Variants in AFF1 observed in about 807,000 individuals in gnomAD.
The protein encoded by AFF1 is ALF transcription elongation factor 1.
A neutral mutation model predicts 121.7 loss-of-function variants in AFF1; 48 were observed. That is an observed-to-expected ratio of 0.39 (90% CI 0.31 to 0.50). The LOEUF is 0.50. Ranked by LOEUF, AFF1 falls within the 20% of genes least tolerant of loss-of-function variation. AFF1 has a pLI of 0.76. For missense variants in AFF1, 1,523 were observed against 1,511.7 expected (o/e 1.01, Z -0.12); for synonymous variants, 613 against 563.0 (o/e 1.09, Z -1.26).
intron 10 of AFF1, among the ~76,000 whole-genome samples, chr4:87,106,118 C>T (rs1006508241): frequency 2.0e-5 from 3 of 152,204 alleles, no homozygotes; most frequent in Non-Finnish European, 4.4e-5. Context: ...CGTGCTAGCT[C>T]ACGCCTGTAA....
chr4:86,994,600 TCAAA>T (rs1172335186), intron 2 of AFF1, among the ~76,000 whole-genome samples: 1 of 152,168 alleles, frequency 6.6e-6, no homozygotes, highest in Non-Finnish European at 1.5e-5. Context: ...GCCTTTCTGC[TCAAA>T]CAAGCAAACA....
At chr4:86,965,204 A>G (rs1235626217) in intron 2 of AFF1, among the ~76,000 whole-genome samples, 1 of 152,250 alleles carries the variant, frequency 6.6e-6, no homozygotes, top group Admixed American at 6.5e-5. Context: ...TAAGGCATCT[A>G]TATAAAGTCT....
rs745610435 is a variant in AFF1 at position 87,134,550 on chromosome 4, G to A, written c.3391G>A (p.Val1131Met). 3.1e-6 allele frequency: 5 copies of A among 1,614,006 alleles called. No individual in the cohort carries two copies. The highest frequency in any genetic ancestry group is 2.5e-6 in the Non-Finnish European group (3 of 1,180,028). Residue 1131 changes from valine to methionine, a missense_variant, in exon 20 of 21, where the codon GTG becomes ATG. Physicochemically the swap from Val to Met is conservative, Grantham distance 21. Around this residue, in one of 5 missense-constraint regions of AFF1, gnomAD observed 241 missense variants for 265.2 expected, o/e 0.91. Coordinates refer to ENST00000395146, the MANE Select transcript of AFF1 (RefSeq NM_001166693.3). ...SVGSQSSAGS[V>M]GSSGVAATIS... is the part of the protein sequence containing the mutation. The stretch of plus-strand genomic sequence containing the variant: ...AGGGTCCCAGTCAAGTGCTGGCAGT[G>A]TGGGGAGCAGTGGGGTGGCTGCCAC...
chr4:87,046,088 T>TCA, intron 2 of AFF1, 78 bp from the exon 3 acceptor site: 1 of 1,558,896 alleles, frequency 6.4e-7, no homozygotes, highest in South Asian at 1.1e-5. Context: ...ACCTCCCTTC[T>TCA]CACATGTAAG....
chr4:87,043,338 A>C (rs763351627), intron 2 of AFF1, among the ~76,000 whole-genome samples: 1 of 152,214 alleles, frequency 6.6e-6, no homozygotes, highest in African/African-American at 2.4e-5. Flanking sequence ...TGCAAGGTGC[A>C]TGCACTGGAT....
chr4:86,983,560 C>G (rs1723949990), intron 2 of AFF1, among the ~76,000 whole-genome samples: 2 of 151,476 alleles, frequency 1.3e-5, no homozygotes, highest in South Asian at 2.1e-4. Context: ...AATAAAAATA[C>G]TAAAAATATA....
chr4:87,005,732 C>T (rs1560533102), intron 2 of AFF1, among the ~76,000 whole-genome samples: 1 of 151,988 alleles, frequency 6.6e-6, no homozygotes. Context: ...AAGACCCATG[C>T]TCAAGGGTCA....
intron 4 of AFF1, among the ~76,000 whole-genome samples, chr4:87,071,931 G>A (rs1407048986): frequency 6.6e-6 from 1 of 152,158 alleles, no homozygotes; most frequent in Non-Finnish European, 1.5e-5. Context: ...GGAGTTTCGG[G>A]TCAGGAGCTC....
At chr4:86,937,239 A>G (rs1316223553) in intron 1 of AFF1, among the ~76,000 whole-genome samples, 1 of 152,198 alleles carries the variant, frequency 6.6e-6, no homozygotes, top group Non-Finnish European at 1.5e-5. Flanking sequence ...CAAAACTATA[A>G]TTTTGAAGAA....
rs532281103 is a variant in AFF1, at chr4:86,943,165, C to T, written c.-36-5333C>T. The stretch of plus-strand genomic sequence containing the variant: ...TGAGTGTAGCGTAGCACCAGAACCC[C>T]GTTGAACAAAACTTCAAAGTGTAGA... On this transcript the variant is annotated intron_variant, in intron 1 of 20. Coordinates refer to ENST00000395146, the MANE Select transcript of AFF1 (RefSeq NM_001166693.3). 9.2e-5 allele frequency among the ~76,000 whole-genome samples: 14 copies of T among 152,244 alleles called. No homozygotes were observed. In the East Asian group the frequency reaches 1.7e-3, roughly 19 times the overall value.
intron 2 of AFF1, among the ~76,000 whole-genome samples, chr4:87,014,555 G>T (rs1427172986): frequency 1.3e-5 from 2 of 152,248 alleles, no homozygotes; most frequent in Non-Finnish European, 2.9e-5. Context: ...TCTTTGGTAT[G>T]TGGGTGTTGT....
intron 2 of AFF1, among the ~76,000 whole-genome samples, chr4:86,985,181 C>CATATATATATATATATATA (rs1553912829): frequency 1.0e-5 from 1 of 96,518 alleles, no homozygotes; most frequent in African/African-American, 5.0e-5. Flanking sequence ...ATATGTATTA[C>CATATATATATATATATATA]TATATATATA....
intron 14 of AFF1, 58 bp downstream of exon 14, chr4:87,126,394 C>A (rs1728253610): frequency 2.0e-6 from 3 of 1,514,028 alleles, no homozygotes; most frequent in South Asian, 1.1e-5. Context: ...CCTTTACGTT[C>A]CCAAAGAAGA....
intron 4 of AFF1, among the ~76,000 whole-genome samples, chr4:87,060,766 G>A (rs1413900868): frequency 2.1e-5 from 3 of 141,760 alleles, no homozygotes; most frequent in Non-Finnish European, 3.1e-5. Flanking sequence ...TTGAACCTGG[G>A]AGGCGGAGGT....
In AFF1 at chr4:87,140,433, TACCTG is replaced by T. The variant is rs1473903196; in HGVS notation, c.*4734_*4738del. On this transcript the variant is annotated 3_prime_UTR_variant, in exon 21 of 21. Transcript: ENST00000395146. ...CTGAATGTGATCATGTTTTGGATGATACCTGAGCAGGGTTGCCTTTTTTTTATTTA... is the reference window on the plus strand; with the variant it reads ...CTGAATGTGATCATGTTTTGGATGATAGCAGGGTTGCCTTTTTTTTATTTA... 1 of 183,150 alleles carries T rather than the reference TACCTG, an allele frequency of 5.5e-6. No homozygotes were observed. The highest frequency in any genetic ancestry group is 1.2e-5 in the Non-Finnish European group (1 of 86,500). 11.3% of individuals were successfully genotyped at this position (183,150 alleles called of 1,614,324 possible). A position where few individuals can be genotyped will look rare whatever the true frequency, so the allele number is the denominator to read the frequency against.
rs201734422 is a variant in AFF1, at chr4:87,043,836, TG to T, written c.39-2329del. ...TTCTTTCTTTCTTTCTTTTTTTTTT[TG>T]AGACGGAGTCTCGCGCTGTTGCCCC... is the stretch of plus-strand genomic sequence containing the variant. On this transcript the variant is annotated intron_variant, in intron 2 of 20. Transcript: ENST00000395146. Among the ~76,000 whole-genome samples, 640 of 138,292 alleles carry T rather than the reference TG, an allele frequency of 4.6e-3. 4 individuals carry two copies. The highest frequency in any genetic ancestry group is 0.018 in the African/African-American group (603 of 34,004). The allele number at this position is 138,292 out of a possible 152,430, so 90.7% of individuals were successfully genotyped here.
intron 4 of AFF1, among the ~76,000 whole-genome samples, chr4:87,066,137 C>T (rs1019165477): frequency 2.6e-5 from 4 of 152,184 alleles, no homozygotes; most frequent in Admixed American, 6.5e-5. Context: ...TAGACCTAAT[C>T]ATTTTTACTT....
intron 1 of AFF1, among the ~76,000 whole-genome samples, chr4:86,947,956 T>C (rs1230733493): frequency 6.6e-6 from 1 of 152,166 alleles, no homozygotes; most frequent in Non-Finnish European, 1.5e-5. Context: ...TCTTGCATAG[T>C]TGACACTCTT....
At chr4:87,042,105 G>T (rs1245725282) in intron 2 of AFF1, among the ~76,000 whole-genome samples, 1 of 151,754 alleles carries the variant, frequency 6.6e-6, no homozygotes. Context: ...TTTCCCATCT[G>T]CCCCTTCCTT....
Sources: allele counts gnomAD v4.1 joint callset (sites outside exome capture counted in the v4.1 genomes callset), GRCh38; gene constraint gnomAD v4.1.1; regional missense constraint gnomAD v4.1.1; transcripts MANE v1.5; gene names NCBI Gene and HGNC (gene_info 2026-07-23, HGNC 2026-07-21).